The following SCAPER variants were observed in gnomAD, a reference collection of about 807,000 sequenced individuals.
The protein encoded by SCAPER is S-phase cyclin A associated protein in the ER.
SCAPER carries 98 observed loss-of-function variants against 182.2 expected under a neutral mutation model. The ratio of observed to expected loss-of-function variants is 0.54; its 90% CI spans 0.46 to 0.64. The LOEUF is 0.64. Ranked by LOEUF, SCAPER falls within the 30% of genes least tolerant of loss-of-function variation. The pLI, the probability that SCAPER is intolerant of heterozygous loss-of-function variation, is 0.00. For synonymous variants in SCAPER, 605 were observed against 564.6 expected (o/e 1.07, Z -1.01); for missense variants, 1,432 against 1,690.0 (o/e 0.85, Z 2.68).
rs1336127526 is a variant in SCAPER at position 76,354,011 on chromosome 15, G to A, written c.3985C>T (p.His1329Tyr). ...TGCTCCAGAATGATCTTGTTCTGATGGTTGTTGTAACAAGCAGCGATAAGT... is the reference window on the plus strand; with the variant it reads ...TGCTCCAGAATGATCTTGTTCTGATAGTTGTTGTAACAAGCAGCGATAAGT... ...PSLIAACYNN[H>Y]QNKIILEQEM... The change falls in exon 30 of 32, where the codon CAT becomes TAT. Residue 1329 changes from histidine (H) to tyrosine (Y), a missense_variant. Transcript: ENST00000563290. The surrounding 1 kb of genome is among the most constrained non-coding windows in gnomAD (Gnocchi z 4.4). 21 of 1,606,000 alleles carry A rather than the reference G, an allele frequency of 1.3e-5. No individual in the cohort carries two copies. In the South Asian group the frequency reaches 2.3e-4, roughly 18 times the overall value.
intron 17 of SCAPER, among the ~76,000 whole-genome samples, chr15:76,711,387 G>A (rs1034300506): frequency 3.9e-5 from 6 of 152,084 alleles, no homozygotes; most frequent in Admixed American, 6.6e-5. Context: ...TTTCACCAGA[G>A]AAGACATATG....
intron 25 of SCAPER, among the ~76,000 whole-genome samples, chr15:76,454,465 C>T (rs2048581895): frequency 6.6e-6 from 1 of 152,136 alleles, no homozygotes; most frequent in South Asian, 2.1e-4. Flanking sequence ...TCCCCATCTC[C>T]CTAACCTAGT....
At position 76,459,481 on chromosome 15, in the gene SCAPER, T is replaced by C. The variant is rs150455465; in HGVS notation, c.3078+11731A>G. Among the ~76,000 whole-genome samples the C allele has an allele frequency of 7.2e-3, 1,099 of 152,186 alleles. 17 individuals carry two copies. Among genetic ancestry groups the C allele is most frequent in the African/African-American group, 0.025 (1,045 of 41,530 alleles). On this transcript the variant is annotated intron_variant, in intron 25 of 31. Transcript: ENST00000563290. ...GTTTTTCATATACCTGTTGGCTATC[T>C]GTACATCTTATGTGAAATATCTATT... is the stretch of plus-strand genomic sequence containing the variant.
chr15:76,765,470 T>A lies in SCAPER; in HGVS notation c.1496-16A>T, dbSNP rs762952065. ...GACTCACGAGCTGTTCAGAAAAAAA[T>A]ACTATTATTGTTTAGCCACATAGGT... On this transcript the variant is annotated splice_polypyrimidine_tract_variant and intron_variant, in intron 12 of 31. Transcript: ENST00000563290. The A allele has an allele frequency of 1.9e-6, 3 of 1,611,970 alleles. No homozygotes were observed. The African/African-American group carries it at 4.0e-5, about 22-fold the overall frequency.
chr15:76,834,482 A>G (rs1196257458), intron 5 of SCAPER, among the ~76,000 whole-genome samples: 1 of 152,122 alleles, frequency 6.6e-6, no homozygotes, highest in Non-Finnish European at 1.5e-5. Context: ...AAAACTAGCA[A>G]AAGAAAATAA....
chr15:76,871,683 C>T (rs983270152), intron 2 of SCAPER, among the ~76,000 whole-genome samples: 2 of 150,902 alleles, frequency 1.3e-5, no homozygotes, highest in African/African-American at 4.9e-5. Context: ...AGCAATTCTC[C>T]AGGTTCAAGC....
Position 76,409,402 on chromosome 15 carries a change from C to A in SCAPER, c.3312-4723G>T, listed in dbSNP as rs1418637200. On this transcript the variant is annotated intron_variant, in intron 26 of 31. Coordinates refer to ENST00000563290, the MANE Select transcript of SCAPER (RefSeq NM_020843.4). ...TAAATGATAAATAAATGGGTCTCTC[C>A]ATTTGCTTTGCCATTTGAAATTTAA... Among the ~76,000 whole-genome samples, 16 of 152,208 alleles carry A rather than the reference C, an allele frequency of 1.1e-4. No individual in the cohort carries two copies. The East Asian group carries it at 3.1e-3, about 29-fold the overall frequency.
intron 23 of SCAPER, among the ~76,000 whole-genome samples, chr15:76,548,223 T>C (rs1421968279): frequency 6.6e-6 from 1 of 152,082 alleles, no homozygotes; most frequent in Non-Finnish European, 1.5e-5. Flanking sequence ...GAAAATAAAA[T>C]ATAAAAACTG....
chr15:76,827,781 T>C (rs1376544215), intron 5 of SCAPER, among the ~76,000 whole-genome samples: 2 of 151,886 alleles, frequency 1.3e-5, no homozygotes, highest in Non-Finnish European at 2.9e-5. Context: ...CAGGAAGAAA[T>C]AGTTGAAAAA....
At position 76,658,234 on chromosome 15, in the gene SCAPER, A is replaced by G. The variant is rs1183296045; in HGVS notation, c.2645+7419T>C. 3.3e-5 allele frequency among the ~76,000 whole-genome samples: 5 copies of G among 152,168 alleles called. No homozygotes were observed. In the South Asian group the frequency reaches 1.0e-3, roughly 32 times the overall value. Reference sequence around the variant, plus strand: ...AGTACCATTTCAGGATATAAAATCAATGTACAAAAATCAGTGGCATTTCTA... The same window carrying G: ...AGTACCATTTCAGGATATAAAATCAGTGTACAAAAATCAGTGGCATTTCTA... On this transcript the variant is annotated intron_variant, in intron 21 of 31. Transcript: ENST00000563290.
chr15:76,505,075 T>C, intron 23 of SCAPER, 101 bp from the exon 24 acceptor site: 1 of 777,838 alleles, frequency 1.3e-6, no homozygotes, highest in South Asian at 1.7e-5. Flanking sequence ...TCAACTATTC[T>C]ACAAATATTA....
intron 5 of SCAPER, among the ~76,000 whole-genome samples, chr15:76,812,327 C>T (rs1188526930): frequency 6.7e-6 from 1 of 148,344 alleles, no homozygotes; most frequent in African/African-American, 2.5e-5. Flanking sequence ...AAAAAAAAAA[C>T]AAAAAACAAA....
At chr15:76,609,063 T>C (rs1222632358) in intron 22 of SCAPER, among the ~76,000 whole-genome samples, 1 of 152,196 alleles carries the variant, frequency 6.6e-6, no homozygotes, top group Non-Finnish European at 1.5e-5. Flanking sequence ...CCCATTGAGA[T>C]GAACCCGGTA....
chr15:76,883,775 C>T, intron 2 of SCAPER, 37 bp downstream of exon 2: 1 of 1,470,328 alleles, frequency 6.8e-7, no homozygotes, highest in South Asian at 1.3e-5. Context: ...AAGAGAAAGG[C>T]AAAAAAACTA....
At chr15:76,653,528 T>G (rs1037018041) in intron 21 of SCAPER, among the ~76,000 whole-genome samples, 1 of 152,056 alleles carries the variant, frequency 6.6e-6, no homozygotes, top group Non-Finnish European at 1.5e-5. Flanking sequence ...ATAGACCAAC[T>G]GAACAGAAAA....
intron 23 of SCAPER, among the ~76,000 whole-genome samples, chr15:76,559,576 TA>T (rs1292000836): frequency 1.3e-5 from 2 of 152,216 alleles, no homozygotes; most frequent in Non-Finnish European, 2.9e-5. Context: ...AACAGACTAA[TA>T]CAATGTCCTT....
chr15:76,659,269 C>A (rs1440408188), intron 21 of SCAPER, among the ~76,000 whole-genome samples: 1 of 151,714 alleles, frequency 6.6e-6, no homozygotes, highest in African/African-American at 2.4e-5. Flanking sequence ...AAGAATATTA[C>A]AGACACACTT....
intron 9 of SCAPER, 98 bp downstream of exon 9, chr15:76,774,757 G>GT: frequency 7.5e-7 from 1 of 1,328,160 alleles, no homozygotes; most frequent in Non-Finnish European, 1.0e-6. Context: ...AATTTTCACA[G>GT]TAAGTTAAAA....
chr15:76,673,940 A>G (rs1244375269), intron 20 of SCAPER, among the ~76,000 whole-genome samples: 5 of 132,458 alleles, frequency 3.8e-5, no homozygotes, highest in Non-Finnish European at 7.9e-5. Context: ...CCATCAATTC[A>G]TAATTTATCT....
Sources: allele counts gnomAD v4.1 joint callset (sites outside exome capture counted in the v4.1 genomes callset), GRCh38; gene constraint gnomAD v4.1.1; non-coding constraint Gnocchi (gnomAD v3.1); transcripts MANE v1.5; gene names NCBI Gene and HGNC (gene_info 2026-07-23, HGNC 2026-07-21).